OSBP2: variants seen among roughly 807,000 people sequenced by gnomAD.
OSBP2 encodes oxysterol-binding protein 2.
A neutral mutation model predicts 96.0 loss-of-function variants in OSBP2; 66 were observed. The ratio of observed to expected loss-of-function variants is 0.69; its 90% CI spans 0.56 to 0.84. The LOEUF (loss-of-function observed/expected upper bound fraction) is 0.84, where lower values mean the gene tolerates loss of function less well. Among genes scored for constraint, OSBP2 ranks in the 40% least tolerant of loss-of-function variants. The pLI, the probability that OSBP2 is intolerant of heterozygous loss-of-function variation, is 0.00. For missense variants in OSBP2, 1,038 were observed against 1,222.7 expected, an observed-to-expected ratio of 0.85 and a Z score of 2.25; for synonymous variants, 525 against 520.9, an observed-to-expected ratio of 1.01 and a Z score of -0.11.
chr22:30,718,949 T>C (rs548445907), intron 1 of OSBP2, among the ~76,000 whole-genome samples: 1 of 152,318 alleles, frequency 6.6e-6, no homozygotes, highest in South Asian at 2.1e-4. Context: ...TTGAATTTTT[T>C]ATTTTCAGAA....
intron 1 of OSBP2, among the ~76,000 whole-genome samples, chr22:30,723,220 C>T (rs2089583625): frequency 6.6e-6 from 1 of 152,134 alleles, no homozygotes; most frequent in Admixed American, 6.6e-5. Context: ...GATTCTCCTG[C>T]CTCAGCCTCC....
upstream of OSBP2, chr22:30,694,771 A>C: frequency 1.7e-6 from 1 of 588,764 alleles, no homozygotes; most frequent in Non-Finnish European, 2.1e-6. Flanking sequence ...GCTGACGGGC[A>C]CGGAGCGCAC....
At chr22:30,853,833 A>C (rs1263872320) in intron 2 of OSBP2, among the ~76,000 whole-genome samples, 2 of 150,166 alleles carry the variant, frequency 1.3e-5, no homozygotes. Context: ...CAATGGTGCC[A>C]TCTCAGCTCT....
intron 2 of OSBP2, among the ~76,000 whole-genome samples, chr22:30,829,159 G>C (rs114713001): frequency 0.011 from 1,692 of 152,292 alleles, 35 homozygotes; most frequent in African/African-American, 0.039. Flanking sequence ...AGAACATAGC[G>C]TGCTCTCCAG....
chr22:30,758,686 C>G (rs2090170773), intron 2 of OSBP2, among the ~76,000 whole-genome samples: 1 of 152,058 alleles, frequency 6.6e-6, no homozygotes, highest in South Asian at 2.1e-4. Context: ...CTGCAGGTAC[C>G]AAAAACTCAG....
At chr22:30,719,750 T>A (rs2089516453) in intron 1 of OSBP2, among the ~76,000 whole-genome samples, 3 of 140,178 alleles carry the variant, frequency 2.1e-5, no homozygotes, top group African/African-American at 5.4e-5. Flanking sequence ...TGAGACTCTG[T>A]CTCAAAAAAA....
chr22:30,731,247 C>A (rs968769482), intron 1 of OSBP2, among the ~76,000 whole-genome samples: 1 of 151,994 alleles, frequency 6.6e-6, no homozygotes, highest in Admixed American at 6.6e-5. Flanking sequence ...AGTGAAGGAG[C>A]AATGGCAAGT....
chr22:30,893,424 A>T, intron 9 of OSBP2, 39 bp from the exon 10 acceptor site: 1 of 1,574,968 alleles, frequency 6.3e-7, no homozygotes. Flanking sequence ...AGAGCCCTGC[A>T]TGGGGGGGCA....
chr22:30,843,943 A>C, intron 2 of OSBP2, among the ~76,000 whole-genome samples: 1 of 151,286 alleles, frequency 6.6e-6, no homozygotes, highest in Non-Finnish European at 1.5e-5. Context: ...GAGGGATCAC[A>C]GCTCACTGGA....
rs749031437 is a variant in OSBP2, at chr22:30,888,324, G to A, written c.1402G>A (p.Glu468Lys). The change falls in exon 5 of 14, where the codon GAG (glutamate) becomes AAG (lysine). Residue 468 changes from glutamate (E) to lysine (K), a missense_variant. Physicochemically the swap from Glu to Lys is moderately conservative, Grantham distance 56. Transcript: ENST00000332585. ...CACATCCTTCATCACCGTGATCACC[G>A]AGGCCAAGGAAGACAGGTAAGGTGG... ...DSTSFITVIT[E>K]AKEDSRKAEG... 9.3e-6 allele frequency: 15 copies of A among 1,611,244 alleles called. No individual in the cohort carries two copies. Among genetic ancestry groups the A allele is most frequent in the South Asian group, 7.7e-5 (7 of 91,040 alleles).
At chr22:30,704,024 G>A (rs1270835133) in intron 1 of OSBP2, among the ~76,000 whole-genome samples, 1 of 152,154 alleles carries the variant, frequency 6.6e-6, no homozygotes, top group Non-Finnish European at 1.5e-5. Context: ...TGAACAGCAC[G>A]AGGATTCAAT....
chr22:30,894,274 A>C (rs1280629518), intron 12 of OSBP2: 2 of 406,648 alleles, frequency 4.9e-6, no homozygotes, highest in Non-Finnish European at 8.8e-6. Context: ...ATACTTGAAA[A>C]TAACCACAGG....
chr22:30,784,551 G>T (rs2090561869), intron 2 of OSBP2, among the ~76,000 whole-genome samples: 1 of 151,970 alleles, frequency 6.6e-6, no homozygotes, highest in East Asian at 2.0e-4. Flanking sequence ...GAGTCACCGT[G>T]CCCAGTTGAC....
At chr22:30,819,525 G>A (rs2091122264) in intron 2 of OSBP2, among the ~76,000 whole-genome samples, 1 of 152,178 alleles carries the variant, frequency 6.6e-6, no homozygotes, top group Admixed American at 6.5e-5. Context: ...CTAAGACTTT[G>A]CAGCTAATAT....
intron 2 of OSBP2, among the ~76,000 whole-genome samples, chr22:30,767,152 A>AAAAAAAAAT: frequency 6.6e-6 from 1 of 150,588 alleles, no homozygotes; most frequent in Non-Finnish European, 1.5e-5. Flanking sequence ...AAAAAAAAAA[A>AAAAAAAAAT]AAAAAAAATT....
chr22:30,750,807 C>G (rs149102783), intron 2 of OSBP2, among the ~76,000 whole-genome samples: 4 of 152,136 alleles, frequency 2.6e-5, no homozygotes, highest in Non-Finnish European at 4.4e-5. Context: ...TGCAGTGGCA[C>G]GATCTCAGCT....
chr22:30,840,505 G>T (rs2038730244), intron 2 of OSBP2, among the ~76,000 whole-genome samples: 1 of 152,118 alleles, frequency 6.6e-6, no homozygotes, highest in Admixed American at 6.5e-5. Context: ...GGAGGGAGAT[G>T]GGGTGGGGAG....
chr22:30,737,315 CTTTTTTTTTTTTTT>C (rs34541516), intron 1 of OSBP2, among the ~76,000 whole-genome samples: 2 of 110,426 alleles, frequency 1.8e-5, no homozygotes, highest in Non-Finnish European at 3.6e-5. Flanking sequence ...TGCGCCCGGC[CTTTTTTTTTTTTTT>C]TTTTTTTTTT....
At chr22:30,855,304 ACTGCC>A (rs1365103183) in intron 2 of OSBP2, among the ~76,000 whole-genome samples, 1 of 152,094 alleles carries the variant, frequency 6.6e-6, no homozygotes, top group African/African-American at 2.4e-5. Flanking sequence ...TACATGCCCT[ACTGCC>A]CTGGCCCATT....
Sources: gnomAD v4.1 joint callset for allele counts (sites outside exome capture counted in the v4.1 genomes callset) on GRCh38, gnomAD v4.1.1 for gene constraint, MANE v1.5 for transcripts, NCBI Gene and HGNC (gene_info 2026-07-23, HGNC 2026-07-21) for gene names.